Variants in TSPAN33 observed in about 807,000 individuals in gnomAD.
TSPAN33 encodes the protein tetraspanin 33, also known as tetraspanin-33.
TSPAN33 carries 27 observed loss-of-function variants against 34.8 expected under a neutral mutation model. The ratio of observed to expected loss-of-function variants is 0.78; its 90% CI spans 0.57 to 1.07. TSPAN33 has a LOEUF of 1.07. Among genes scored for constraint, TSPAN33 ranks in the 50% least tolerant of loss-of-function variants. The pLI is 0.00. For synonymous variants in TSPAN33, 119 were observed against 124.2 expected (o/e 0.96, Z 0.28); for missense variants, 272 against 324.9 (o/e 0.84, Z 1.25).
chr7:129,163,919 C>T (rs1031907733), intron 4 of TSPAN33, among the ~76,000 whole-genome samples: 29 of 151,384 alleles, frequency 1.9e-4, no homozygotes, highest in African/African-American at 1.9e-4. Context: ...CCAGCCTGGG[C>T]GACAGTAAAA....
At chr7:129,149,919 C>T (rs532872680) in intron 1 of TSPAN33, among the ~76,000 whole-genome samples, 36 of 152,322 alleles carry the variant, frequency 2.4e-4, no homozygotes, top group African/African-American at 8.4e-4. Flanking sequence ...AGGTCACGGG[C>T]AGGGAGAGAG....
intron 1 of TSPAN33, among the ~76,000 whole-genome samples, chr7:129,146,630 G>C (rs985117435): frequency 5.9e-5 from 9 of 152,122 alleles, no homozygotes; most frequent in African/African-American, 1.9e-4. Context: ...CATAGTCTAG[G>C]TTCTGCTTCA....
At chr7:129,157,634 C>T (rs1792961350) in intron 1 of TSPAN33, among the ~76,000 whole-genome samples, 1 of 152,126 alleles carries the variant, frequency 6.6e-6, no homozygotes, top group Non-Finnish European at 1.5e-5. Context: ...GCCAAAGATT[C>T]TGATCGACTT....
chr7:129,168,112 A>G lies in TSPAN33; in HGVS notation c.*238A>G, dbSNP rs1463902428. On this transcript the variant is annotated 3_prime_UTR_variant, in exon 8 of 8. Transcript: ENST00000486685. Reference sequence around the variant, plus strand: ...AGCATTGTGCCAGAGTGATACCCTTAAGTGTTTGGGTTTATGTTTTCAGTT... The same window carrying G: ...AGCATTGTGCCAGAGTGATACCCTTGAGTGTTTGGGTTTATGTTTTCAGTT... The G allele has an allele frequency of 5.4e-6, 4 of 736,142 alleles. No homozygotes were observed. Among genetic ancestry groups the G allele is most frequent in the Non-Finnish European group, 8.2e-6 (4 of 487,860 alleles). 45.6% of individuals were successfully genotyped at this position (736,142 alleles called of 1,614,324 possible). A position where few individuals can be genotyped will look rare whatever the true frequency, so the allele number is the denominator to read the frequency against.
At chr7:129,161,780 C>T in intron 2 of TSPAN33, 44 bp downstream of exon 2, 2 of 1,612,184 alleles carry the variant, frequency 1.2e-6, no homozygotes, top group South Asian at 2.2e-5. Context: ...TGTGCCATGC[C>T]CCTTTCCCCT....
intron 5 of TSPAN33, 137 bp from the exon 6 acceptor site, chr7:129,166,641 G>A: frequency 9.4e-7 from 1 of 1,063,012 alleles, no homozygotes; most frequent in East Asian, 2.5e-5. Context: ...GGAGCTCAAA[G>A]TTTAAGGCTG....
At chr7:129,150,576 G>A (rs563008869) in intron 1 of TSPAN33, among the ~76,000 whole-genome samples, 6 of 152,174 alleles carry the variant, frequency 3.9e-5, no homozygotes, top group East Asian at 3.8e-4. Context: ...CACTTCAGCC[G>A]CTCACTAGCC....
At chr7:129,150,348 G>A (rs565463743) in intron 1 of TSPAN33, among the ~76,000 whole-genome samples, 3 of 152,214 alleles carry the variant, frequency 2.0e-5, no homozygotes, top group Non-Finnish European at 4.4e-5. Context: ...CCCTGTCCCC[G>A]CCGCCAGCTG....
chr7:129,145,740 T>G (rs1332189928), intron 1 of TSPAN33, among the ~76,000 whole-genome samples: 3 of 151,504 alleles, frequency 2.0e-5, no homozygotes, highest in African/African-American at 7.3e-5. Flanking sequence ...GGGCCAGGGG[T>G]CCTTTCAGAA....
chr7:129,164,450 A>T, intron 4 of TSPAN33, 24 bp from the exon 5 acceptor site: 1 of 1,609,398 alleles, frequency 6.2e-7, no homozygotes, highest in East Asian at 2.2e-5. Context: ...CTGTGTTCTG[A>T]TTCCTTGCCC....
At chr7:129,154,298 G>A (rs1810639084) in intron 1 of TSPAN33, among the ~76,000 whole-genome samples, 1 of 152,128 alleles carries the variant, frequency 6.6e-6, no homozygotes, top group African/African-American at 2.4e-5. Flanking sequence ...CTCCAGCCTG[G>A]GCAACACAAG....
At chr7:129,150,163 G>C (rs1810574022) in intron 1 of TSPAN33, among the ~76,000 whole-genome samples, 1 of 152,186 alleles carries the variant, frequency 6.6e-6, no homozygotes, top group Admixed American at 6.5e-5. Flanking sequence ...CTGAGACAGT[G>C]GGGCTCCACT....
rs181873881 is a variant in TSPAN33 at position 129,154,729 on chromosome 7, G to A, written c.103-6950G>A. Among the ~76,000 whole-genome samples the A allele has an allele frequency of 4.8e-3, 738 of 152,268 alleles. 7 individuals are homozygous for A. Among genetic ancestry groups the A allele is most frequent in the African/African-American group, 0.017 (702 of 41,544 alleles). ...GCACTGCAGCCTGGGCAACAAGAGC[G>A]AAACTCTGTCTCAAAAAATAAAATA... On this transcript the variant is annotated intron_variant, in intron 1 of 7. Coordinates refer to ENST00000486685, the MANE Select transcript of TSPAN33 (RefSeq NM_178562.5).
chr7:129,156,274 A>G (rs1040031045), intron 1 of TSPAN33, among the ~76,000 whole-genome samples: 8 of 152,200 alleles, frequency 5.3e-5, no homozygotes, highest in African/African-American at 1.7e-4. Context: ...ATATCATATC[A>G]TACAAGTGAT....
chr7:129,166,941 A>G, intron 6 of TSPAN33, 35 bp downstream of exon 6: 1 of 1,601,270 alleles, frequency 6.2e-7, no homozygotes, highest in African/African-American at 1.3e-5. Flanking sequence ...CCTCCTAGGC[A>G]GCGAGCTGAG....
Position 129,167,734 on chromosome 7 carries a change from C to A in TSPAN33, c.751-39C>A. ...CGAGCCAGGGAAAACAAGGCCATCA[C>A]TCACTGCTGAGTGCCCAATTCCTTC... On this transcript the variant is annotated intron_variant, in intron 7 of 7. Coordinates refer to ENST00000486685, the MANE Select transcript of TSPAN33 (RefSeq NM_178562.5). The surrounding 1 kb of genome is among the most constrained non-coding windows in gnomAD (Gnocchi z 4.6). 6.2e-7 allele frequency: 1 copy of A among 1,605,876 alleles called. No homozygotes were observed.
chr7:129,167,410 C>T lies in TSPAN33; in HGVS notation c.600C>T (p.Asn200=). The T allele has an allele frequency of 6.2e-7, 1 of 1,613,806 alleles. No individual in the cohort carries two copies. The highest frequency in any genetic ancestry group is 8.5e-7 in the Non-Finnish European group (1 of 1,179,746). The change falls in exon 7 of 8, where the codon AAC becomes AAT. Residue 200 remains asparagine (N), a synonymous_variant. Coordinates refer to ENST00000486685, the MANE Select transcript of TSPAN33 (RefSeq NM_178562.5). This position sits in a 1 kb window ranked among gnomAD's most constrained non-coding sequence, Gnocchi z 4.6. ...AACTCTTTCCCCAGGCAGTGATCAA[C>T]ACTATGTGTGGCCAAGGTATGCAGG... ...CLPTPDQAVI[N]TMCGQGMQAF...
chr7:129,167,727 G>T lies in TSPAN33; in HGVS notation c.751-46G>T. 7 of 1,600,094 alleles carry T rather than the reference G, an allele frequency of 4.4e-6. No individual in the cohort carries two copies. The highest frequency in any genetic ancestry group is 1.7e-5 in the Admixed American group (1 of 59,906). ...GGAAGATCGAGCCAGGGAAAACAAGGCCATCACTCACTGCTGAGTGCCCAA... is the reference window on the plus strand; with the variant it reads ...GGAAGATCGAGCCAGGGAAAACAAGTCCATCACTCACTGCTGAGTGCCCAA... On this transcript the variant is annotated intron_variant, in intron 7 of 7. Coordinates refer to ENST00000486685, the MANE Select transcript of TSPAN33 (RefSeq NM_178562.5). The surrounding 1 kb of genome is among the most constrained non-coding windows in gnomAD (Gnocchi z 4.6).
At position 129,167,425 on chromosome 7, in the gene TSPAN33, A is replaced by C; in HGVS notation, c.615A>C (p.Gln205His). ...CAGTGATCAACACTATGTGTGGCCA[A>C]GGTATGCAGGCCTTTGACTACTTGG... ...DQAVINTMCG[Q>H]GMQAFDYLEA... The change falls in exon 7 of 8, where the codon CAA (glutamine) becomes CAC (histidine). Residue 205 changes from glutamine to histidine, a missense_variant. By Grantham distance (24) the Gln-to-His change is conservative. Transcript: ENST00000486685. The surrounding 1 kb of genome is among the most constrained non-coding windows in gnomAD (Gnocchi z 4.6). The C allele has an allele frequency of 6.2e-7, 1 of 1,614,116 alleles. No individual in the cohort carries two copies. The highest frequency in any genetic ancestry group is 2.2e-5 in the East Asian group (1 of 44,884).
Sources: allele counts gnomAD v4.1 joint callset (sites outside exome capture counted in the v4.1 genomes callset), GRCh38; gene constraint gnomAD v4.1.1; non-coding constraint Gnocchi (gnomAD v3.1); transcripts MANE v1.5; gene names NCBI Gene and HGNC (gene_info 2026-07-23, HGNC 2026-07-21).